The following TAOK3 variants were observed in gnomAD, a reference collection of about 807,000 sequenced individuals.
TAOK3 encodes the protein serine/threonine-protein kinase TAO3.
A neutral mutation model predicts 120.4 loss-of-function variants in TAOK3; 40 were observed. The observed-to-expected ratio is 0.33, with a 90% CI of 0.26 to 0.43. The LOEUF is 0.43. Ranked by LOEUF, TAOK3 falls within the 20% of genes least tolerant of loss-of-function variation. The pLI is 1.00. For missense variants in TAOK3, 821 were observed against 1,112.1 expected (o/e 0.74, Z 3.72); for synonymous variants, 355 against 387.5 (o/e 0.92, Z 0.99).
At chr12:118,280,094 G>A (rs1252348113) in intron 1 of TAOK3, among the ~76,000 whole-genome samples, 2 of 133,204 alleles carry the variant, frequency 1.5e-5, no homozygotes, top group Admixed American at 8.0e-5. Flanking sequence ...ATGGAGTCTC[G>A]CTCTGTCGAC....
intron 19 of TAOK3, among the ~76,000 whole-genome samples, chr12:118,159,206 T>A (rs752534635): frequency 6.6e-6 from 1 of 152,184 alleles, no homozygotes; most frequent in African/African-American, 2.4e-5. Context: ...TGTCAATGAA[T>A]TCCTTAAAGT....
At chr12:118,324,957 A>G (rs1272250286) in intron 1 of TAOK3, among the ~76,000 whole-genome samples, 2 of 151,820 alleles carry the variant, frequency 1.3e-5, no homozygotes, top group Non-Finnish European at 2.9e-5. Flanking sequence ...CGTGTTAGCC[A>G]GGATGGTCTC....
Position 118,162,045 on chromosome 12 carries a change from A to T in TAOK3, c.1900-18T>A, listed in dbSNP as rs1368702885. 6.2e-7 allele frequency: 1 copy of T among 1,609,324 alleles called. No homozygotes were observed. The highest frequency in any genetic ancestry group is 2.2e-5 in the East Asian group (1 of 44,752). On this transcript the variant is annotated intron_variant, in intron 17 of 20. Coordinates refer to ENST00000392533, the MANE Select transcript of TAOK3 (RefSeq NM_016281.4). ...TTTAGTTCCTGCGTCCAGGAACAAA[A>T]GATAAACGGAGAGAGGTGAATGGAG...
At chr12:118,266,806 G>T in intron 1 of TAOK3, 47 bp from the exon 2 acceptor site, 2 of 391,056 alleles carry the variant, frequency 5.1e-6, no homozygotes, top group Non-Finnish European at 9.0e-6. Flanking sequence ...CCAAATTAAA[G>T]AATCAATAAT....
At chr12:118,263,032 C>G (rs1217154046) in intron 2 of TAOK3, among the ~76,000 whole-genome samples, 1 of 151,968 alleles carries the variant, frequency 6.6e-6, no homozygotes, top group Non-Finnish European at 1.5e-5. Context: ...CCCAGAATAA[C>G]CAAAGCAACT....
chr12:118,315,343 A>G (rs1186711947), intron 1 of TAOK3, among the ~76,000 whole-genome samples: 2 of 152,256 alleles, frequency 1.3e-5, no homozygotes, highest in Non-Finnish European at 2.9e-5. Flanking sequence ...CAATGAGCTA[A>G]ATATAAATTT....
At chr12:118,309,103 C>T (rs577913574) in intron 1 of TAOK3, among the ~76,000 whole-genome samples, 32 of 151,200 alleles carry the variant, frequency 2.1e-4, no homozygotes, top group African/African-American at 6.8e-4. Context: ...CCAAGGAGGG[C>T]GGGTCACCTG....
chr12:118,151,812 T>C (rs1433934214), intron 20 of TAOK3, among the ~76,000 whole-genome samples: 1 of 152,224 alleles, frequency 6.6e-6, no homozygotes, highest in African/African-American at 2.4e-5. Context: ...TTTAATTTTT[T>C]TTTAAACAGC....
chr12:118,236,070 G>C, intron 7 of TAOK3: 1 of 159,562 alleles, frequency 6.3e-6, no homozygotes, highest in Non-Finnish European at 1.4e-5. Context: ...TGCTTTTTCT[G>C]CTTTTCCAAA....
chr12:118,331,584 G>A (rs1234845799), intron 1 of TAOK3, among the ~76,000 whole-genome samples: 2 of 145,574 alleles, frequency 1.4e-5, no homozygotes, highest in South Asian at 2.1e-4. Context: ...GGTGGAGGTT[G>A]CAGTGATCCA....
chr12:118,366,125 G>C (rs999229427), intron 1 of TAOK3, among the ~76,000 whole-genome samples: 6 of 152,050 alleles, frequency 3.9e-5, no homozygotes, highest in Non-Finnish European at 8.8e-5. Context: ...TTAGCCAGGC[G>C]TGGTGGTTGG....
intron 1 of TAOK3, among the ~76,000 whole-genome samples, chr12:118,326,110 C>T (rs1239013444): frequency 6.6e-6 from 1 of 152,158 alleles, no homozygotes; most frequent in African/African-American, 2.4e-5. Context: ...CAGAGTTTCC[C>T]CAATGTTTTC....
chr12:118,218,965 C>T (rs1386466107), intron 9 of TAOK3, among the ~76,000 whole-genome samples: 3 of 152,082 alleles, frequency 2.0e-5, no homozygotes, highest in African/African-American at 7.2e-5. Flanking sequence ...AAATAAATAA[C>T]TAAATAAATA....
chr12:118,229,265 T>C (rs2039653589), intron 9 of TAOK3, among the ~76,000 whole-genome samples: 1 of 152,008 alleles, frequency 6.6e-6, no homozygotes, highest in Admixed American at 6.6e-5. Flanking sequence ...CACACACAGG[T>C]AATTTTGTAA....
At chr12:118,315,880 T>C (rs1354606619) in intron 1 of TAOK3, among the ~76,000 whole-genome samples, 1 of 152,086 alleles carries the variant, frequency 6.6e-6, no homozygotes, top group African/African-American at 2.4e-5. Context: ...TTGAAACAGA[T>C]AGTAAATAAA....
intron 1 of TAOK3, among the ~76,000 whole-genome samples, chr12:118,267,475 A>G (rs1256052318): frequency 6.7e-6 from 1 of 150,176 alleles, no homozygotes; most frequent in African/African-American, 2.4e-5. Flanking sequence ...TTGGCCTCCC[A>G]AAGTGCTGGG....
At chr12:118,281,743 ACT>A (rs1394894883) in intron 1 of TAOK3, among the ~76,000 whole-genome samples, 1 of 151,280 alleles carries the variant, frequency 6.6e-6, no homozygotes, top group Non-Finnish European at 1.5e-5. Context: ...CAAGAGTGAG[ACT>A]CTGCCTCAGA....
intron 1 of TAOK3, among the ~76,000 whole-genome samples, chr12:118,322,716 ACCTTTTTTT>A (rs2043768023): frequency 7.0e-6 from 1 of 142,314 alleles, no homozygotes; most frequent in African/African-American, 2.6e-5. Flanking sequence ...AAATTTAAAA[ACCTTTTTTT>A]TTTTTTTTTT....
intron 1 of TAOK3, among the ~76,000 whole-genome samples, chr12:118,318,729 T>C (rs2043577982): frequency 6.6e-6 from 1 of 152,194 alleles, no homozygotes; most frequent in Non-Finnish European, 1.5e-5. Flanking sequence ...CCACTAATGA[T>C]ACACATCCAA....
Sources: allele counts gnomAD v4.1 joint callset (sites outside exome capture counted in the v4.1 genomes callset), GRCh38; gene constraint gnomAD v4.1.1; transcripts MANE v1.5; gene names NCBI Gene and HGNC (gene_info 2026-07-23, HGNC 2026-07-21).